SMAP2: variants seen among roughly 807,000 people sequenced by gnomAD.
SMAP2 encodes the protein stromal membrane-associated protein 2.
SMAP2 carries 25 observed loss-of-function variants against 56.4 expected under a neutral mutation model. The observed-to-expected ratio is 0.44, with a 90% CI of 0.32 to 0.62. The LOEUF is 0.62. Among genes scored for constraint, SMAP2 ranks in the 20% least tolerant of loss-of-function variants. The probability of loss-of-function intolerance (pLI) is 0.04; values close to 1 mark genes in which losing one functional copy is unlikely to be tolerated. For synonymous variants in SMAP2, 157 were observed against 181.7 expected (o/e 0.86, Z 1.09); for missense variants, 388 against 545.6 (o/e 0.71, Z 2.88).
intron 1 of SMAP2, among the ~76,000 whole-genome samples, chr1:40,356,423 T>G (rs1027632011): frequency 2.0e-5 from 3 of 151,146 alleles, no homozygotes; most frequent in African/African-American, 7.3e-5. Flanking sequence ...TTGTTTTTTT[T>G]TTTTTGAGAC....
intron 1 of SMAP2, chr1:40,393,381 GC>G: frequency 6.5e-7 from 1 of 1,535,412 alleles, no homozygotes; most frequent in Non-Finnish European, 8.7e-7. Context: ...GCAGCAGAGC[GC>G]CGTGGGAGTT....
At chr1:40,393,873 G>A (rs759574544) in intron 1 of SMAP2, among the ~76,000 whole-genome samples, 12 of 152,168 alleles carry the variant, frequency 7.9e-5, no homozygotes, top group South Asian at 4.1e-4. Context: ...GAGTATTTGC[G>A]TGAACAGAAT....
chr1:40,414,139 A>G lies in SMAP2; in HGVS notation c.490-20A>G, dbSNP rs151282285. On this transcript the variant is annotated intron_variant, in intron 5 of 9. Transcript: ENST00000372718. Reference sequence around the variant, plus strand: ...CAAAACCACCTGCTTATTTCTTGCTATAACATATTTTCACCTTAGCCACAG... The same window carrying G: ...CAAAACCACCTGCTTATTTCTTGCTGTAACATATTTTCACCTTAGCCACAG... The G allele has an allele frequency of 1.0e-4, 162 of 1,612,318 alleles. 1 individual carries two copies. The African/African-American group carries it at 1.9e-3, about 19-fold the overall frequency.
intron 1 of SMAP2, among the ~76,000 whole-genome samples, chr1:40,352,216 T>G (rs192486254): frequency 3.3e-5 from 5 of 152,290 alleles, no homozygotes; most frequent in Admixed American, 3.3e-4. Context: ...CAGGATAAGA[T>G]GCCCTCCAAG....
At chr1:40,412,401 A>G (rs554393737) in intron 4 of SMAP2, among the ~76,000 whole-genome samples, 40 of 152,308 alleles carry the variant, frequency 2.6e-4, no homozygotes, top group African/African-American at 9.6e-4. Flanking sequence ...TGCATTTTTT[A>G]TCACTGGCAA....
chr1:40,400,951 A>G (rs1644827440), intron 1 of SMAP2, among the ~76,000 whole-genome samples: 1 of 152,166 alleles, frequency 6.6e-6, no homozygotes, highest in South Asian at 2.1e-4. Context: ...TAGGTACACA[A>G]TAAATAATGT....
chr1:40,396,695 A>G (rs1644775237), intron 1 of SMAP2: 1 of 268,796 alleles, frequency 3.7e-6, no homozygotes, highest in African/African-American at 2.3e-5. Flanking sequence ...TTGTACTTAC[A>G]GAAGTTCAAA....
chr1:40,416,706 T>C, intron 8 of SMAP2, 74 bp from the exon 9 acceptor site: 1 of 1,436,406 alleles, frequency 7.0e-7, no homozygotes, highest in Admixed American at 2.0e-5. Context: ...CTGGAAAGGG[T>C]TAGCCAGGGA....
chr1:40,379,585 G>A (rs1198584142), intron 1 of SMAP2, among the ~76,000 whole-genome samples: 6 of 139,926 alleles, frequency 4.3e-5, no homozygotes, highest in South Asian at 2.3e-4. Context: ...TTTTTGAGGC[G>A]GAGTCTTGCT....
Position 40,416,351 on chromosome 1 carries a change from A to G in SMAP2, c.847+10A>G, listed in dbSNP as rs187629122. The G allele has an allele frequency of 3.1e-6, 5 of 1,610,372 alleles. No individual in the cohort carries two copies. The African/African-American group carries it at 4.0e-5, about 13-fold the overall frequency. On this transcript the variant is annotated intron_variant, in intron 8 of 9. Transcript: ENST00000372718. ...CAAATGCCTACTCAAGGTAGATTTC[A>G]TGGGTGTCATGGCCATGTGCCAGGT...
At chr1:40,350,408 G>A (rs554957171) in intron 1 of SMAP2, among the ~76,000 whole-genome samples, 7 of 152,264 alleles carry the variant, frequency 4.6e-5, no homozygotes, top group South Asian at 2.1e-4. Context: ...TCCCTATTGC[G>A]TGACACCATA....
chr1:40,363,550 A>T (rs928736125), intron 2 of SMAP2, among the ~76,000 whole-genome samples: 1 of 152,198 alleles, frequency 6.6e-6, no homozygotes, highest in Admixed American at 6.5e-5. Flanking sequence ...GATGGCCAAA[A>T]ATAGAAGACC....
intron 1 of SMAP2, among the ~76,000 whole-genome samples, chr1:40,396,043 C>T (rs1042604552): frequency 6.6e-6 from 1 of 152,168 alleles, no homozygotes; most frequent in Non-Finnish European, 1.5e-5. Context: ...TATGTCTGTT[C>T]TATCATTGAG....
rs1645058282 is a variant in SMAP2 at position 40,422,969 on chromosome 1, T to A, written c.*868T>A. ...CATCTGCTCTGGGTATTTTTGTTTT[T>A]GTTTAGTTTTAGGTTTACAACAGAG... On this transcript the variant is annotated 3_prime_UTR_variant, in exon 10 of 10. Coordinates refer to ENST00000372718, the MANE Select transcript of SMAP2 (RefSeq NM_022733.3). The A allele has an allele frequency of 6.5e-6, 1 of 152,780 alleles. No homozygotes were observed. The highest frequency in any genetic ancestry group is 2.4e-5 in the African/African-American group (1 of 41,438). The allele number at this position is 152,780 out of a possible 1,614,324, so 9.5% of individuals were successfully genotyped here. A position where few individuals can be genotyped will look rare whatever the true frequency, so the allele number is the denominator to read the frequency against.
intron 1 of SMAP2, among the ~76,000 whole-genome samples, chr1:40,387,952 G>A (rs920789346): frequency 4.6e-5 from 7 of 152,118 alleles, no homozygotes; most frequent in African/African-American, 1.2e-4. Flanking sequence ...TGGAGCAGCC[G>A]GCCAGCCCTG....
At chr1:40,356,184 G>C (rs1644434997) in intron 1 of SMAP2, among the ~76,000 whole-genome samples, 2 of 152,106 alleles carry the variant, frequency 1.3e-5, no homozygotes, top group Admixed American at 6.6e-5. Flanking sequence ...TGGCTGAATA[G>C]TACTCCATTG....
chr1:40,375,853 C>G (rs1171257215), intron 1 of SMAP2: 2 of 703,528 alleles, frequency 2.8e-6, no homozygotes, highest in African/African-American at 4.0e-5. Context: ...TCATATTACC[C>G]TTATACTTAC....
rs1367544877 is a variant in SMAP2 at position 40,422,782 on chromosome 1, A to G, written c.*681A>G. On this transcript the variant is annotated 3_prime_UTR_variant, in exon 10 of 10. Coordinates refer to ENST00000372718, the MANE Select transcript of SMAP2 (RefSeq NM_022733.3). ...CTTTATGAAGATCCCACACACAGAC[A>G]CACATCCCTTCCCGCCTCCCCCCTG... 3 of 152,680 alleles carry G rather than the reference A, an allele frequency of 2.0e-5. No homozygotes were observed. The highest frequency in any genetic ancestry group is 7.2e-5 in the African/African-American group (3 of 41,410). The allele number at this position is 152,680 out of a possible 1,614,324, so 9.5% of individuals were successfully genotyped here.
At chr1:40,378,289 A>G (rs1644561121) in intron 1 of SMAP2, among the ~76,000 whole-genome samples, 1 of 151,876 alleles carries the variant, frequency 6.6e-6, no homozygotes, top group South Asian at 2.1e-4. Flanking sequence ...GGGCCCAGCC[A>G]TTTTTTCGAA....
Sources: gnomAD v4.1 joint callset for allele counts (sites outside exome capture counted in the v4.1 genomes callset) on GRCh38, gnomAD v4.1.1 for gene constraint, MANE v1.5 for transcripts, NCBI Gene and HGNC (gene_info 2026-07-23, HGNC 2026-07-21) for gene names.